The following NOTCH2NLC variants were observed in gnomAD, a reference collection of about 807,000 sequenced individuals.
NOTCH2NLC encodes the protein notch 2 N-terminal like C, also known as notch homolog 2 N-terminal-like protein C.
In NOTCH2NLC, 4 loss-of-function variants were observed where a neutral mutation model predicts 17.7. That is an observed-to-expected ratio of 0.23 (90% CI 0.11 to 0.52). NOTCH2NLC has a LOEUF of 0.52. NOTCH2NLC is among the 20% of genes least tolerant of loss of function. NOTCH2NLC has a pLI of 0.96. For synonymous variants in NOTCH2NLC, 18 were observed against 86.0 expected, an observed-to-expected ratio of 0.21 and a Z score of 4.38; for missense variants, 57 against 207.2, an observed-to-expected ratio of 0.28 and a Z score of 4.45.
chr1:149,395,576 C>A (rs1287319754), intron 1 of NOTCH2NLC, among the ~76,000 whole-genome samples: 1 of 150,404 alleles, frequency 6.6e-6, no homozygotes, highest in Non-Finnish European at 1.5e-5. Context: ...GCTTCCACTG[C>A]TTCCTGTATT....
intron 1 of NOTCH2NLC, among the ~76,000 whole-genome samples, chr1:149,425,536 G>A (rs1385957229): frequency 6.6e-6 from 1 of 150,788 alleles, no homozygotes; most frequent in Admixed American, 6.6e-5. Flanking sequence ...GGCCAGCATG[G>A]GAGCCTAGAC....
At chr1:149,437,528 T>TGA (rs2084489235) in intron 2 of NOTCH2NLC, among the ~76,000 whole-genome samples, 1 of 113,558 alleles carries the variant, frequency 8.8e-6, no homozygotes, top group Non-Finnish European at 1.9e-5. Flanking sequence ...CAGTGGCGCT[T>TGA]TCTTGGCTCA....
chr1:149,418,084 GTTC>G (rs1392277777), intron 1 of NOTCH2NLC, among the ~76,000 whole-genome samples: 10 of 144,532 alleles, frequency 6.9e-5, no homozygotes, highest in African/African-American at 2.5e-4. Flanking sequence ...TTATAAACTT[GTTC>G]TTCTTAACAA....
At chr1:149,428,756 T>C (rs2084426628) in intron 1 of NOTCH2NLC, among the ~76,000 whole-genome samples, 2 of 148,050 alleles carry the variant, frequency 1.4e-5, no homozygotes, top group Admixed American at 6.7e-5. Context: ...TGCTTGCAGT[T>C]AGGGGTACAG....
At chr1:149,421,554 A>C (rs1165491124) in intron 1 of NOTCH2NLC, among the ~76,000 whole-genome samples, 1 of 139,708 alleles carries the variant, frequency 7.2e-6, no homozygotes, top group Non-Finnish European at 1.6e-5. Context: ...AAGCACAGGA[A>C]ATTGGTGACA....
Position 149,467,347 on chromosome 1 carries a change from C to T in NOTCH2NLC, c.*3194C>T, listed in dbSNP as rs2084690607. On this transcript the variant is annotated 3_prime_UTR_variant, in exon 5 of 5. Transcript: ENST00000650865. ...AAATGGTTAATTTACAATTTTTTCCCTGCAAAGGATACTGTAGTCACTGTG... is the reference window on the plus strand; with the variant it reads ...AAATGGTTAATTTACAATTTTTTCCTTGCAAAGGATACTGTAGTCACTGTG... 1 of 141,026 alleles carries T rather than the reference C, an allele frequency of 7.1e-6. No homozygotes were observed. The highest frequency in any genetic ancestry group is 1.5e-5 in the Non-Finnish European group (1 of 65,398). 8.7% of individuals were successfully genotyped at this position (141,026 alleles called of 1,614,324 possible). A position where few individuals can be genotyped will look rare whatever the true frequency, so the allele number is the denominator to read the frequency against.
intron 1 of NOTCH2NLC, among the ~76,000 whole-genome samples, chr1:149,399,084 A>G (rs2084228863): frequency 6.6e-6 from 1 of 150,682 alleles, no homozygotes; most frequent in African/African-American, 2.4e-5. Context: ...TGTCTTTTTA[A>G]CAAATAGCAT....
At chr1:149,449,602 T>C (rs1411708349) in intron 2 of NOTCH2NLC, among the ~76,000 whole-genome samples, 2 of 150,864 alleles carry the variant, frequency 1.3e-5, no homozygotes, top group Non-Finnish European at 3.0e-5. Flanking sequence ...AACCTGGAAA[T>C]TGTAGAGAGA....
chr1:149,390,847 A>G lies in NOTCH2NLC; in HGVS notation c.60A>G (p.Arg20=), dbSNP rs1258206224. The G allele has an allele frequency of 4.3e-4, 483 of 1,117,020 alleles. 40 individuals carry two copies. The East Asian group carries it at 0.018, about 42-fold the overall frequency. The allele number at this position is 1,117,020 out of a possible 1,614,324, so 69.2% of individuals were successfully genotyped here. ...GCGGCGGCGGAGGAGGCGGCGACCG[A>G]GAAGATGCCCGCCCTGCGCCGCTCT... ...GGGGGGGGGD[R]EDARPAPLCC... is the part of the protein sequence containing the mutation. The change falls in exon 1 of 5, where the codon CGA becomes CGG. Residue 20 remains arginine (R), a synonymous_variant. Transcript: ENST00000650865.
At chr1:149,438,838 C>T (rs1326750035) in intron 2 of NOTCH2NLC, among the ~76,000 whole-genome samples, 1 of 131,326 alleles carries the variant, frequency 7.6e-6, no homozygotes, top group South Asian at 2.8e-4. Context: ...CTGCAGCCTC[C>T]ACCTCCTAGG....
At chr1:149,451,607 G>A (rs1305420314) in intron 2 of NOTCH2NLC, among the ~76,000 whole-genome samples, 1 of 150,198 alleles carries the variant, frequency 6.7e-6, no homozygotes, top group African/African-American at 2.4e-5. Flanking sequence ...CTTTAGGAGA[G>A]TAAGTCTGTT....
intron 1 of NOTCH2NLC, among the ~76,000 whole-genome samples, chr1:149,398,098 A>G (rs1201477124): frequency 6.6e-6 from 1 of 151,066 alleles, no homozygotes; most frequent in Admixed American, 6.6e-5. Context: ...ACTCGGATCT[A>G]TAGGGTCTTG....
chr1:149,406,640 A>G (rs1253140829), intron 1 of NOTCH2NLC, among the ~76,000 whole-genome samples: 1 of 150,582 alleles, frequency 6.6e-6, no homozygotes, highest in Non-Finnish European at 1.5e-5. Context: ...AGCTAAGAAT[A>G]TTAGACAAGC....
At chr1:149,408,570 T>C (rs2084281997) in intron 1 of NOTCH2NLC, among the ~76,000 whole-genome samples, 1 of 151,268 alleles carries the variant, frequency 6.6e-6, no homozygotes, top group African/African-American at 2.4e-5. Flanking sequence ...GAAATGTGTA[T>C]CTAGAGCCTG....
chr1:149,393,693 A>C (rs1182598882), intron 1 of NOTCH2NLC, among the ~76,000 whole-genome samples: 2 of 144,246 alleles, frequency 1.4e-5, no homozygotes, highest in East Asian at 4.6e-4. Flanking sequence ...ATTTTCTTTC[A>C]GATGGTGATG....
chr1:149,400,276 CCTCT>C (rs1340446755), intron 1 of NOTCH2NLC, among the ~76,000 whole-genome samples: 3 of 133,548 alleles, frequency 2.2e-5, no homozygotes, highest in Non-Finnish European at 3.3e-5. Flanking sequence ...TCTTAATATG[CCTCT>C]CTCATTACAG....
intron 2 of NOTCH2NLC, among the ~76,000 whole-genome samples, chr1:149,435,431 G>T (rs1393589619): frequency 1.4e-5 from 2 of 147,346 alleles, no homozygotes; most frequent in African/African-American, 5.0e-5. Flanking sequence ...GGACACGTTA[G>T]GGTGGGCCTA....
At chr1:149,456,127 T>TA (rs1224896380) in intron 3 of NOTCH2NLC, among the ~76,000 whole-genome samples, 1 of 105,652 alleles carries the variant, frequency 9.5e-6, no homozygotes, top group Admixed American at 9.6e-5. Context: ...AAAAAAAAAA[T>TA]ATGTACACCA....
chr1:149,417,399 C>T (rs1444238491), intron 1 of NOTCH2NLC, among the ~76,000 whole-genome samples: 5 of 151,180 alleles, frequency 3.3e-5, no homozygotes, highest in East Asian at 3.9e-4. Context: ...TGAGCCACCG[C>T]GCCCGGCCGG....
Sources: gnomAD v4.1 joint callset for allele counts (sites outside exome capture counted in the v4.1 genomes callset) on GRCh38, gnomAD v4.1.1 for gene constraint, MANE v1.5 for transcripts, NCBI Gene and HGNC (gene_info 2026-07-23, HGNC 2026-07-21) for gene names.